Variants in SLC24A2 observed in about 807,000 individuals in gnomAD.
The protein encoded by SLC24A2 is solute carrier family 24 member 2.
SLC24A2 carries 36 observed loss-of-function variants against 62.0 expected under a neutral mutation model. That is an observed-to-expected ratio of 0.58 (90% CI 0.44 to 0.77). The LOEUF is 0.77. Ranked by LOEUF, SLC24A2 falls within the 30% of genes least tolerant of loss-of-function variation. The probability of loss-of-function intolerance (pLI) is 0.00; values close to 1 mark genes in which losing one functional copy is unlikely to be tolerated. For synonymous variants in SLC24A2, 358 were observed against 294.0 expected (o/e 1.22, Z -2.23); for missense variants, 846 against 817.9 (o/e 1.03, Z -0.42).
chr9:19,811,597 G>A, the SLC24A2 span, among the ~76,000 whole-genome samples: 1 of 152,038 alleles, frequency 6.6e-6, no homozygotes, highest in Non-Finnish European at 1.5e-5. Context: ...ATCAGCCACT[G>A]TGCCTAGCCT....
At chr9:20,034,112 G>T in the SLC24A2 span, among the ~76,000 whole-genome samples, 1 of 152,092 alleles carries the variant, frequency 6.6e-6, no homozygotes, top group African/African-American at 2.4e-5. Context: ...GATCTAAAAA[G>T]GATTGAAAAT....
At chr9:19,983,742 G>T in the SLC24A2 span, among the ~76,000 whole-genome samples, 15 of 152,206 alleles carry the variant, frequency 9.9e-5, no homozygotes, top group South Asian at 1.2e-3. Context: ...GCATGCAATT[G>T]AATATAAACA....
At chr9:19,898,480 C>A in the SLC24A2 span, among the ~76,000 whole-genome samples, 2 of 152,140 alleles carry the variant, frequency 1.3e-5, no homozygotes, top group African/African-American at 4.8e-5. Flanking sequence ...CGGTGGCTCA[C>A]GCCTGTAATT....
intron 9 of SLC24A2, among the ~76,000 whole-genome samples, chr9:19,524,289 T>G (rs183111203): frequency 8.9e-4 from 135 of 152,174 alleles, no homozygotes; most frequent in African/African-American, 3.3e-3. Context: ...AAGGTCTTAG[T>G]TGACTCTTAA....
intron 2 of SLC24A2, among the ~76,000 whole-genome samples, chr9:19,626,968 C>A (rs985248670): frequency 6.6e-6 from 1 of 152,188 alleles, no homozygotes; most frequent in African/African-American, 2.4e-5. Context: ...CTTTCTCCCT[C>A]CTTTTACTTT....
In SLC24A2 at chr9:19,516,037, G is replaced by A. The variant is rs1832907499; in HGVS notation, c.*116C>T. On this transcript the variant is annotated 3_prime_UTR_variant, in exon 11 of 11. Transcript: ENST00000341998. ...TCTCTCCTCAAATTCACCAAGGAGGGACACTTGGCACCCAGGGCTGTGTGC... is the reference window on the plus strand; with the variant it reads ...TCTCTCCTCAAATTCACCAAGGAGGAACACTTGGCACCCAGGGCTGTGTGC... 1 of 1,301,298 alleles carries A rather than the reference G, an allele frequency of 7.7e-7. No homozygotes were observed. Among genetic ancestry groups the A allele is most frequent in the South Asian group, 1.2e-5 (1 of 84,004 alleles). 80.6% of individuals were successfully genotyped at this position (1,301,298 alleles called of 1,614,324 possible). A position where few individuals can be genotyped will look rare whatever the true frequency, so the allele number is the denominator to read the frequency against.
chr9:20,220,750 G>A, the SLC24A2 span, among the ~76,000 whole-genome samples: 1 of 152,122 alleles, frequency 6.6e-6, no homozygotes, highest in Non-Finnish European at 1.5e-5. Flanking sequence ...GCACGTGAAT[G>A]CTAAGATCCA....
chr9:20,126,860 G>A, the SLC24A2 span, among the ~76,000 whole-genome samples: 1 of 152,162 alleles, frequency 6.6e-6, no homozygotes, highest in Non-Finnish European at 1.5e-5. Flanking sequence ...AATTTTATTG[G>A]TGTTGCCTCT....
chr9:19,633,346 C>G (rs1459540119), intron 2 of SLC24A2, among the ~76,000 whole-genome samples: 1 of 152,120 alleles, frequency 6.6e-6, no homozygotes, highest in Middle Eastern at 3.2e-3. Flanking sequence ...TACAATAAGA[C>G]CATGCTTTTG....
At chr9:20,233,502 A>G in the SLC24A2 span, among the ~76,000 whole-genome samples, 5 of 151,850 alleles carry the variant, frequency 3.3e-5, no homozygotes, top group African/African-American at 1.2e-4. Context: ...GTCTCTTTTG[A>G]TCTTTCTTGG....
the SLC24A2 span, among the ~76,000 whole-genome samples, chr9:20,233,776 T>A: frequency 6.6e-6 from 1 of 152,244 alleles, no homozygotes; most frequent in Non-Finnish European, 1.5e-5. Flanking sequence ...ATTATGATGT[T>A]AGCTGGTTAT....
At chr9:19,973,943 T>C in the SLC24A2 span, among the ~76,000 whole-genome samples, 1 of 152,176 alleles carries the variant, frequency 6.6e-6, no homozygotes, top group South Asian at 2.1e-4. Flanking sequence ...TGTAATAAGT[T>C]AGGATGATAT....
At chr9:19,714,198 G>A (rs964649105) in intron 2 of SLC24A2, among the ~76,000 whole-genome samples, 2 of 152,182 alleles carry the variant, frequency 1.3e-5, no homozygotes, top group African/African-American at 2.4e-5. Flanking sequence ...GCGTGTGTGT[G>A]TGACCTATGG....
the SLC24A2 span, among the ~76,000 whole-genome samples, chr9:20,081,042 A>T: frequency 3.5e-4 from 53 of 152,340 alleles, 1 homozygote; most frequent in East Asian, 9.6e-3. Flanking sequence ...ACTGTAAACT[A>T]GTTCAACCAT....
intron 7 of SLC24A2, among the ~76,000 whole-genome samples, chr9:19,555,867 C>A (rs1835063801): frequency 6.6e-6 from 1 of 152,174 alleles, no homozygotes; most frequent in Non-Finnish European, 1.5e-5. Flanking sequence ...ATCACTTGAA[C>A]CCGGGAGGCA....
chr9:19,568,445 A>T (rs1230700698), intron 7 of SLC24A2, among the ~76,000 whole-genome samples: 1 of 152,240 alleles, frequency 6.6e-6, no homozygotes, highest in Non-Finnish European at 1.5e-5. Context: ...CATCTGGGCT[A>T]TTCAATAGCC....
chr9:19,762,913 A>T (rs999524946), intron 2 of SLC24A2, among the ~76,000 whole-genome samples: 1 of 151,168 alleles, frequency 6.6e-6, no homozygotes, highest in African/African-American at 2.4e-5. Context: ...TATGGGCAGT[A>T]TGGCTGTTTT....
intron 4 of SLC24A2, among the ~76,000 whole-genome samples, chr9:19,615,523 A>G (rs1409879252): frequency 6.6e-6 from 1 of 152,182 alleles, no homozygotes. Flanking sequence ...ATGATTGTGA[A>G]TTTTGGGGGA....
chr9:19,841,677 G>A, the SLC24A2 span, among the ~76,000 whole-genome samples: 1 of 152,176 alleles, frequency 6.6e-6, no homozygotes, highest in East Asian at 1.9e-4. Context: ...ACACTGAATA[G>A]GATTGGAATA....
Sources: allele counts gnomAD v4.1 joint callset (sites outside exome capture counted in the v4.1 genomes callset), GRCh38; gene constraint gnomAD v4.1.1; transcripts MANE v1.5; gene names NCBI Gene and HGNC (gene_info 2026-07-23, HGNC 2026-07-21).